Variants in DYSF observed in about 807,000 individuals in gnomAD.
DYSF encodes the protein dysferlin, also known as dystrophy-associated fer-1-like 1.
In DYSF, 212 loss-of-function variants were observed where a neutral mutation model predicts 274.9. The observed-to-expected ratio is 0.77, with a 90% confidence interval of 0.69 to 0.86. The LOEUF is 0.86. Ranked by LOEUF, DYSF falls within the 40% of genes least tolerant of loss-of-function variation. DYSF has a pLI of 0.00. For missense variants in DYSF, 2,666 were observed against 2,783.2 expected (o/e 0.96, Z 0.95); for synonymous variants, 1,091 against 1,078.7 (o/e 1.01, Z -0.22).
intron 36 of DYSF, among the ~76,000 whole-genome samples, chr2:71,608,559 GGCCCGACGCTCC>G (rs1249049712): frequency 6.6e-6 from 1 of 152,058 alleles, no homozygotes; most frequent in Non-Finnish European, 1.5e-5. Context: ...GCCTCCGCTG[GGCCCGACGCTCC>G]GCAGCTGTGT....
intron 42 of DYSF, among the ~76,000 whole-genome samples, chr2:71,655,475 A>C (rs997428518): frequency 6.6e-6 from 1 of 152,224 alleles, no homozygotes; most frequent in South Asian, 2.1e-4. Context: ...TATTAGGTAC[A>C]TTTTATCAGC....
intron 2 of DYSF, 69 bp from the exon 3 acceptor site, chr2:71,481,810 G>T (rs1379897551): frequency 3.0e-6 from 4 of 1,353,530 alleles, no homozygotes; most frequent in Admixed American, 1.8e-5. Context: ...GTGGCACGAA[G>T]GTGAACCAGA....
intron 41 of DYSF, among the ~76,000 whole-genome samples, chr2:71,642,008 A>G (rs1055981860): frequency 2.0e-5 from 3 of 152,138 alleles, no homozygotes; most frequent in African/African-American, 7.2e-5. Flanking sequence ...GTCACTGTTA[A>G]TGGTATTATT....
At chr2:71,628,251 A>G (rs2094246292) in intron 41 of DYSF, among the ~76,000 whole-genome samples, 1 of 152,150 alleles carries the variant, frequency 6.6e-6, no homozygotes, top group Non-Finnish European at 1.5e-5. Context: ...TGGTATTTAT[A>G]TCTTCCTCCA....
upstream of DYSF, among the ~76,000 whole-genome samples, chr2:71,464,093 T>C (rs916635328): frequency 2.6e-5 from 4 of 152,216 alleles, no homozygotes; most frequent in Non-Finnish European, 5.9e-5. Flanking sequence ...TTTACCGACC[T>C]TCCACTTCTT....
chr2:71,548,678 A>G (rs1573911589), intron 17 of DYSF, among the ~76,000 whole-genome samples: 1 of 152,180 alleles, frequency 6.6e-6, no homozygotes, highest in Non-Finnish European at 1.5e-5. Context: ...TCAGGGGCAC[A>G]CCCAAGTGTG....
In DYSF at chr2:71,473,706, C is replaced by T. The variant is rs530725713; in HGVS notation, c.91+6773C>T. On this transcript the variant is annotated intron_variant, in intron 1 of 55. Transcript: ENST00000410020. ...GTGTCCATTCCATTTCCCACCTGGA[C>T]TTAAAAAAAATTGTGGTAAAATGCA... Among the ~76,000 whole-genome samples, 146 of 152,214 alleles carry T rather than the reference C, an allele frequency of 9.6e-4. 1 individual carries two copies. The highest frequency in any genetic ancestry group is 3.5e-3 in the African/African-American group (146 of 41,532).
At chr2:71,662,685 GGT>G (rs1278408585) in intron 45 of DYSF, among the ~76,000 whole-genome samples, 2 of 151,096 alleles carry the variant, frequency 1.3e-5, no homozygotes, top group South Asian at 2.1e-4. Flanking sequence ...GTATGTGTGT[GGT>G]GTGTGTATAT....
At chr2:71,598,818 T>A in intron 33 of DYSF, 73 bp downstream of exon 33, 2 of 1,569,976 alleles carry the variant, frequency 1.3e-6, no homozygotes, top group Admixed American at 1.7e-5. Context: ...CTCCAGGGAC[T>A]CGTGGCTGCC....
At chr2:71,604,825 C>T (rs995337452) in intron 36 of DYSF, among the ~76,000 whole-genome samples, 1 of 152,202 alleles carries the variant, frequency 6.6e-6, no homozygotes, top group Non-Finnish European at 1.5e-5. Context: ...GTGAGGGTAA[C>T]TTCCTGGAAG....
intron 40 of DYSF, among the ~76,000 whole-genome samples, chr2:71,618,678 G>GGT (rs2094010661): frequency 1.8e-5 from 1 of 54,098 alleles, no homozygotes; most frequent in Non-Finnish European, 5.3e-5. Flanking sequence ...GTGTGGTAGA[G>GGT]GGATGTGAGT....
chr2:71,581,557 G>T (rs2152832887), intron 30 of DYSF, among the ~76,000 whole-genome samples: 1 of 152,364 alleles, frequency 6.6e-6, no homozygotes, highest in South Asian at 2.1e-4. Context: ...GTTCCCCACA[G>T]CCCTGACTTG....
At chr2:71,532,830 T>TTCTTTCTA (rs1553535188) in intron 14 of DYSF, among the ~76,000 whole-genome samples, 3 of 147,438 alleles carry the variant, frequency 2.0e-5, no homozygotes, top group African/African-American at 5.0e-5. Context: ...AGTACATTTA[T>TTCTTTCTA]TCTATCTATC....
chr2:71,503,734 G>A (rs1258516568), intron 4 of DYSF, among the ~76,000 whole-genome samples: 3 of 152,108 alleles, frequency 2.0e-5, no homozygotes, highest in South Asian at 2.1e-4. Context: ...CAGGGCATGA[G>A]GGATGGAGGG....
rs550651768 is a variant in DYSF, at chr2:71,673,903, A to G, written c.5785-294A>G. Among the ~76,000 whole-genome samples the G allele has an allele frequency of 1.3e-4, 20 of 152,276 alleles. No homozygotes were observed. The East Asian group carries it at 3.9e-3, about 29-fold the overall frequency. On this transcript the variant is annotated intron_variant, in intron 51 of 55. Coordinates refer to ENST00000410020, the MANE Select transcript of DYSF (RefSeq NM_001130987.2). ...TCAGGCACATTCCTTTAACTTCTCC[A>G]AGCCTCACCTTCATCATCTGTAAAA...
At chr2:71,553,752 A>AAAACCC in intron 20 of DYSF, 55 bp from the exon 21 acceptor site, 3 of 267,804 alleles carry the variant, frequency 1.1e-5, no homozygotes, top group South Asian at 3.5e-5. Flanking sequence ...TTAGCACCCC[A>AAAACCC]TCCCACCCGC....
At chr2:71,597,644 C>T (rs929919031) in intron 32 of DYSF, among the ~76,000 whole-genome samples, 2 of 152,136 alleles carry the variant, frequency 1.3e-5, no homozygotes, top group African/African-American at 4.8e-5. Context: ...GCTCTAGTGA[C>T]ACCAACTTGC....
intron 32 of DYSF, among the ~76,000 whole-genome samples, chr2:71,596,913 C>A (rs947226274): frequency 6.6e-5 from 10 of 152,210 alleles, no homozygotes; most frequent in Non-Finnish European, 1.5e-4. Flanking sequence ...AAAATCAGCT[C>A]TTTGGGCAAC....
intron 4 of DYSF, among the ~76,000 whole-genome samples, chr2:71,508,828 G>A (rs2085772857): frequency 6.6e-6 from 1 of 152,110 alleles, no homozygotes; most frequent in Non-Finnish European, 1.5e-5. Flanking sequence ...TTACCCGTGA[G>A]TTCTATGAGC....
Sources: allele counts gnomAD v4.1 joint callset (sites outside exome capture counted in the v4.1 genomes callset), GRCh38; gene constraint gnomAD v4.1.1; transcripts MANE v1.5; gene names NCBI Gene and HGNC (gene_info 2026-07-23, HGNC 2026-07-21).